The following ATAD2B variants were observed in gnomAD, a reference collection of about 807,000 sequenced individuals.
ATAD2B encodes ATPase family AAA domain containing 2B.
A neutral mutation model predicts 167.6 loss-of-function variants in ATAD2B; 40 were observed. The ratio of observed to expected loss-of-function variants is 0.24; its 90% confidence interval spans 0.19 to 0.31. The LOEUF is 0.31. Among genes scored for constraint, ATAD2B ranks in the 10% least tolerant of loss-of-function variants. The probability of loss-of-function intolerance (pLI) is 1.00; values close to 1 mark genes in which losing one functional copy is unlikely to be tolerated. For missense variants in ATAD2B, 1,242 were observed against 1,757.2 expected, an observed-to-expected ratio of 0.71 and a Z score of 5.24; for synonymous variants, 579 against 596.5, an observed-to-expected ratio of 0.97 and a Z score of 0.43.
chr2:23,747,483 A>G (rs762084182), downstream of ATAD2B, among the ~76,000 whole-genome samples: 1 of 151,972 alleles, frequency 6.6e-6, no homozygotes, highest in Non-Finnish European at 1.5e-5. Flanking sequence ...GTGGGGATCG[A>G]CTCTAGAAAA....
intron 20 of ATAD2B, among the ~76,000 whole-genome samples, chr2:23,786,795 T>C (rs1359858693): frequency 2.0e-5 from 3 of 152,134 alleles, no homozygotes; most frequent in Admixed American, 1.3e-4. Flanking sequence ...ATTATTTATA[T>C]ATAACTTACG....
At chr2:23,769,696 T>C (rs1442477981) in intron 22 of ATAD2B, among the ~76,000 whole-genome samples, 1 of 150,290 alleles carries the variant, frequency 6.7e-6, no homozygotes, top group African/African-American at 2.4e-5. Context: ...AAGTGTTTAA[T>C]GGTGTCTCAC....
chr2:23,691,453 G>A, the ATAD2B span: 4 of 593,380 alleles, frequency 6.7e-6, no homozygotes, highest in Admixed American at 1.2e-4. Flanking sequence ...GACATGCCGA[G>A]TAGTGATAAG....
intron 13 of ATAD2B, among the ~76,000 whole-genome samples, chr2:23,852,252 C>G (rs1254049851): frequency 6.6e-6 from 1 of 152,062 alleles, no homozygotes; most frequent in Non-Finnish European, 1.5e-5. Flanking sequence ...CAAACTTACA[C>G]AAACACTTTC....
chr2:23,745,715 T>C (rs1240384786), downstream of ATAD2B, among the ~76,000 whole-genome samples: 1 of 152,212 alleles, frequency 6.6e-6, no homozygotes, highest in Non-Finnish European at 1.5e-5. Context: ...CTTGTAATAA[T>C]ACCTGGCACT....
the ATAD2B span, among the ~76,000 whole-genome samples, chr2:23,702,173 G>A: frequency 6.6e-6 from 1 of 151,980 alleles, no homozygotes; most frequent in South Asian, 2.1e-4. Flanking sequence ...CATACTATGG[G>A]AGCACCTTGA....
At chr2:23,908,705 T>G (rs1275079114) in intron 1 of ATAD2B, among the ~76,000 whole-genome samples, 1 of 151,996 alleles carries the variant, frequency 6.6e-6, no homozygotes, top group Non-Finnish European at 1.5e-5. Context: ...TATTGTGGCA[T>G]TATTCACAAT....
chr2:23,754,174 C>G lies in ATAD2B; in HGVS notation c.4335+5G>C. 6.6e-7 allele frequency: 1 copy of G among 1,515,130 alleles called. No individual in the cohort carries two copies. The highest frequency in any genetic ancestry group is 8.8e-7 in the Non-Finnish European group (1 of 1,133,798). The allele number at this position is 1,515,130 out of a possible 1,614,324, so 93.9% of individuals were successfully genotyped here. On this transcript the variant is annotated splice_donor_5th_base_variant and intron_variant, in intron 27 of 27. Transcript: ENST00000238789. Reference sequence around the variant, plus strand: ...GTTTATTCTACAGATAAACTAAACACTTACCTCTACAAGTTGTGATTTGTC... The same window carrying G: ...GTTTATTCTACAGATAAACTAAACAGTTACCTCTACAAGTTGTGATTTGTC...
chr2:23,703,200 C>T, the ATAD2B span: 3 of 1,457,456 alleles, frequency 2.1e-6, no homozygotes, highest in Non-Finnish European at 1.8e-6. Flanking sequence ...GACACCATCA[C>T]CAACCAATGG....
intron 1 of ATAD2B, among the ~76,000 whole-genome samples, chr2:23,918,667 G>C (rs546965039): frequency 1.3e-5 from 2 of 152,050 alleles, no homozygotes; most frequent in Non-Finnish European, 2.9e-5. Context: ...GGTAAAAGTT[G>C]TCTATAAACA....
the ATAD2B span, among the ~76,000 whole-genome samples, chr2:23,687,908 TC>T: frequency 6.6e-6 from 1 of 151,568 alleles, no homozygotes; most frequent in Non-Finnish European, 1.5e-5. Context: ...AAGATGACAG[TC>T]AGACCATGAG....
intron 1 of ATAD2B, among the ~76,000 whole-genome samples, chr2:23,899,962 C>A (rs1179689808): frequency 7.7e-6 from 1 of 130,434 alleles, no homozygotes; most frequent in African/African-American, 2.9e-5. Flanking sequence ...CTAGCTCTGT[C>A]GCCCAGGCTG....
At chr2:23,683,608 C>G in the ATAD2B span, among the ~76,000 whole-genome samples, 1 of 152,192 alleles carries the variant, frequency 6.6e-6, no homozygotes, top group African/African-American at 2.4e-5. Flanking sequence ...GCCCCAGGTC[C>G]AAGACACCGG....
chr2:23,767,498 C>T (rs1311401013), intron 22 of ATAD2B, among the ~76,000 whole-genome samples: 2 of 152,102 alleles, frequency 1.3e-5, no homozygotes, highest in African/African-American at 2.4e-5. Flanking sequence ...TTTTGAGGTA[C>T]TGAAACTATT....
chr2:23,876,099 T>G (rs935334165), intron 7 of ATAD2B, among the ~76,000 whole-genome samples, 195 bp from the exon 8 acceptor site: 1 of 151,872 alleles, frequency 6.6e-6, no homozygotes, highest in African/African-American at 2.4e-5. Context: ...GTTCGAGCGA[T>G]TCTCCTACCT....
chr2:23,688,571 G>A, the ATAD2B span, among the ~76,000 whole-genome samples: 8 of 152,222 alleles, frequency 5.3e-5, no homozygotes, highest in South Asian at 1.4e-3. Context: ...CAGAGGCTGC[G>A]TCCCGGACTC....
Position 23,863,535 on chromosome 2 carries a change from G to C in ATAD2B, c.1325C>G (p.Pro442Arg). The C allele has an allele frequency of 6.4e-7, 1 of 1,571,954 alleles. No homozygotes were observed. Reference sequence around the variant, plus strand: ...AACCAAGGTTTTACCTGTGCCAGGAGGGCCATAAAACAAACAGCCCCTAGA... The same window carrying C: ...AACCAAGGTTTTACCTGTGCCAGGACGGCCATAAAACAAACAGCCCCTAGA... ...QPPRGCLFYG[P>R]PGTGKTLVAR... The change falls in exon 12 of 28, where the codon CCT becomes CGT. Residue 442 changes from proline to arginine, a missense_variant. Pro to Arg is a moderately radical substitution (Grantham distance 103, BLOSUM62 -2). Coordinates refer to ENST00000238789, the MANE Select transcript of ATAD2B (RefSeq NM_017552.4).
At chr2:23,879,768 C>G (rs530990674) in intron 7 of ATAD2B, among the ~76,000 whole-genome samples, 2 of 152,028 alleles carry the variant, frequency 1.3e-5, no homozygotes, top group South Asian at 4.1e-4. Context: ...AAGATACTCT[C>G]CCTAGGCCGT....
Position 23,757,541 on chromosome 2 carries a change from C to G in ATAD2B, c.3955G>C (p.Glu1319Gln). 1 of 1,596,102 alleles carries G rather than the reference C, an allele frequency of 6.3e-7. No homozygotes were observed. The highest frequency in any genetic ancestry group is 1.8e-5 in the Admixed American group (1 of 55,216). The change falls in exon 25 of 28, where the codon GAA becomes CAA. Residue 1319 changes from glutamate to glutamine, a missense_variant. Physicochemically the swap from Glu to Gln is conservative, Grantham distance 29. Transcript: ENST00000238789. ...LLEDQSKEKP[E>Q]TSTENHGDDL... ...TCTCCATGATTTTCAGTCGAAGTTT[C>G]TGGTTTTTCTTTTGACTGGTCCTCC...
Sources: gnomAD v4.1 joint callset for allele counts (sites outside exome capture counted in the v4.1 genomes callset) on GRCh38, gnomAD v4.1.1 for gene constraint, MANE v1.5 for transcripts, NCBI Gene and HGNC (gene_info 2026-07-23, HGNC 2026-07-21) for gene names.